NEK7: variants seen among roughly 807,000 people sequenced by gnomAD.
The protein encoded by NEK7 is NIMA related kinase 7, also known as serine/threonine-protein kinase Nek7.
In NEK7, 18 loss-of-function variants were observed where a neutral mutation model predicts 44.6. That is an observed-to-expected ratio of 0.40 (90% CI 0.28 to 0.60). The LOEUF is 0.60. Among genes scored for constraint, NEK7 ranks in the 20% least tolerant of loss-of-function variants. NEK7 has a pLI of 0.38. For missense variants in NEK7, 256 were observed against 366.5 expected (o/e 0.70, Z 2.46); for synonymous variants, 130 against 121.1 (o/e 1.07, Z -0.48).
intron 7 of NEK7, among the ~76,000 whole-genome samples, chr1:198,286,382 C>T (rs1175568515): frequency 6.6e-6 from 1 of 151,828 alleles, no homozygotes; most frequent in African/African-American, 2.4e-5. Context: ...CAAAAAAGAA[C>T]ACCATCCCAA....
intron 8 of NEK7, among the ~76,000 whole-genome samples, chr1:198,295,273 A>G (rs1654679266): frequency 6.6e-6 from 1 of 152,110 alleles, no homozygotes; most frequent in African/African-American, 2.4e-5. Context: ...GGTGGCTTAC[A>G]GTTCAAAAAA....
chr1:198,203,992 T>C (rs1441464289), intron 1 of NEK7, among the ~76,000 whole-genome samples: 1 of 152,336 alleles, frequency 6.6e-6, no homozygotes, highest in South Asian at 2.1e-4. Context: ...TTGCAGGGGC[T>C]CATGCCCATA....
At chr1:198,251,045 G>C (rs1218860681) in intron 2 of NEK7, among the ~76,000 whole-genome samples, 1 of 151,844 alleles carries the variant, frequency 6.6e-6, no homozygotes, top group African/African-American at 2.4e-5. Context: ...ATTATTTTGA[G>C]ATATGTCCCA....
At chr1:198,212,538 G>A (rs946925953) in intron 1 of NEK7, among the ~76,000 whole-genome samples, 2 of 152,192 alleles carry the variant, frequency 1.3e-5, no homozygotes, top group African/African-American at 4.8e-5. Context: ...CCAGCAGCCA[G>A]GGAACTGCCC....
intron 1 of NEK7, among the ~76,000 whole-genome samples, chr1:198,181,332 A>C (rs1664762464): frequency 6.6e-6 from 1 of 152,108 alleles, no homozygotes; most frequent in Non-Finnish European, 1.5e-5. Flanking sequence ...TTAGGAGTTA[A>C]TCATGCATTA....
rs376359527 is a variant in NEK7, at chr1:198,315,953, G to A, written c.799-3459G>A. On this transcript the variant is annotated intron_variant, in intron 9 of 9. Coordinates refer to ENST00000367385, the MANE Select transcript of NEK7 (RefSeq NM_133494.3). ...CATGTTGGTGGTTATTGAAGGCATG[G>A]GAGTAAGTGCAGTTGTTGAAGATAA... 1.8e-3 allele frequency among the ~76,000 whole-genome samples: 276 copies of A among 152,248 alleles called. 2 individuals are homozygous for A. The highest frequency in any genetic ancestry group is 6.4e-3 in the African/African-American group (266 of 41,542).
intron 7 of NEK7, among the ~76,000 whole-genome samples, chr1:198,285,434 T>A (rs1654337714): frequency 6.6e-6 from 1 of 152,192 alleles, no homozygotes; most frequent in African/African-American, 2.4e-5. Context: ...TAATCTTTTG[T>A]CACCCACAGT....
chr1:198,312,789 C>T (rs1403236739), intron 9 of NEK7, among the ~76,000 whole-genome samples: 2 of 151,656 alleles, frequency 1.3e-5, no homozygotes, highest in Non-Finnish European at 2.9e-5. Context: ...TTTGATTGCA[C>T]TGTGGTCTGA....
At chr1:198,271,104 C>T (rs1193149127) in intron 5 of NEK7, among the ~76,000 whole-genome samples, 3 of 151,998 alleles carry the variant, frequency 2.0e-5, no homozygotes, top group African/African-American at 4.8e-5. Flanking sequence ...CCCTTAAGAC[C>T]AGCAGGAGAG....
chr1:198,166,355 T>A (rs1326365788), intron 1 of NEK7, among the ~76,000 whole-genome samples: 4 of 152,218 alleles, frequency 2.6e-5, no homozygotes, highest in Admixed American at 6.5e-5. Context: ...CACTTTTAAT[T>A]TCCTTCAAGA....
intron 9 of NEK7, among the ~76,000 whole-genome samples, chr1:198,316,486 T>TA (rs1357654156): frequency 3.3e-5 from 5 of 152,302 alleles, no homozygotes; most frequent in African/African-American, 1.2e-4. Flanking sequence ...AACTCATAGT[T>TA]AAACAGATTT....
intron 9 of NEK7, among the ~76,000 whole-genome samples, chr1:198,308,238 G>A (rs1487895431): frequency 6.6e-6 from 1 of 152,058 alleles, no homozygotes; most frequent in Non-Finnish European, 1.5e-5. Flanking sequence ...TTTAATATAG[G>A]TTACAACTTT....
intron 3 of NEK7, among the ~76,000 whole-genome samples, chr1:198,259,660 T>A (rs898136514): frequency 4.6e-5 from 7 of 152,160 alleles, no homozygotes; most frequent in African/African-American, 1.4e-4. Flanking sequence ...AATATCAAGT[T>A]CAAATTTTTC....
intron 9 of NEK7, 82 bp downstream of exon 9, chr1:198,297,322 A>G: frequency 6.4e-7 from 1 of 1,558,476 alleles, no homozygotes; most frequent in Non-Finnish European, 8.8e-7. Flanking sequence ...TACTTTATCC[A>G]AAAATGAAAA....
chr1:198,278,176 A>G (rs562823422), intron 6 of NEK7, 107 bp downstream of exon 6: 65 of 631,010 alleles, frequency 1.0e-4, no homozygotes, highest in Non-Finnish European at 1.7e-4. Flanking sequence ...TCAGGTAATT[A>G]TTTTCAAATT....
At chr1:198,223,023 A>G (rs1401846621) in intron 1 of NEK7, among the ~76,000 whole-genome samples, 5 of 152,166 alleles carry the variant, frequency 3.3e-5, no homozygotes, top group African/African-American at 1.2e-4. Flanking sequence ...ACAGGTTTCA[A>G]GAACAGAAAG....
At chr1:198,308,542 A>C (rs1655081801) in intron 9 of NEK7, among the ~76,000 whole-genome samples, 1 of 152,190 alleles carries the variant, frequency 6.6e-6, no homozygotes, top group African/African-American at 2.4e-5. Context: ...CTTGCCTGAA[A>C]TCTTAAAGGA....
intron 3 of NEK7, among the ~76,000 whole-genome samples, chr1:198,260,461 G>A (rs752327310): frequency 3.4e-5 from 5 of 146,248 alleles, no homozygotes; most frequent in Non-Finnish European, 6.0e-5. Flanking sequence ...TTGTTTCATC[G>A]TGTTGCATTC....
chr1:198,313,298 C>T (rs377064348), intron 9 of NEK7, among the ~76,000 whole-genome samples: 3 of 151,864 alleles, frequency 2.0e-5, no homozygotes, highest in Admixed American at 6.6e-5. Flanking sequence ...CTTGGTAGAT[C>T]TTCCTCCATC....
Sources: gnomAD v4.1 joint callset for allele counts (sites outside exome capture counted in the v4.1 genomes callset) on GRCh38, gnomAD v4.1.1 for gene constraint, MANE v1.5 for transcripts, NCBI Gene and HGNC (gene_info 2026-07-23, HGNC 2026-07-21) for gene names.